The following GSAP variants were observed in gnomAD, a reference collection of about 807,000 sequenced individuals.
The protein encoded by GSAP is gamma-secretase-activating protein.
In GSAP, 118 loss-of-function variants were observed where a neutral mutation model predicts 131.7. The observed-to-expected ratio is 0.90, with a 90% CI of 0.77 to 1.04. The LOEUF (loss-of-function observed/expected upper bound fraction) is 1.04. Among genes scored for constraint, GSAP ranks in the 50% least tolerant of loss-of-function variants. GSAP has a pLI of 0.00. For synonymous variants in GSAP, 381 were observed against 363.4 expected, an observed-to-expected ratio of 1.05 and a Z score of -0.55; for missense variants, 1,019 against 1,013.2, an observed-to-expected ratio of 1.01 and a Z score of -0.08.
At chr7:77,349,314 G>A (rs1182603534) in intron 19 of GSAP, 37 bp downstream of exon 19, 2 of 1,463,180 alleles carry the variant, frequency 1.4e-6, no homozygotes, top group East Asian at 2.3e-5. Flanking sequence ...CTTTAGTCAT[G>A]TATCTGTACT....
chr7:77,381,606 A>G (rs1797819692), intron 7 of GSAP, among the ~76,000 whole-genome samples: 1 of 152,170 alleles, frequency 6.6e-6, no homozygotes, highest in Admixed American at 6.5e-5. Flanking sequence ...TCAACAATAC[A>G]TGAAGTATTT....
intron 14 of GSAP, among the ~76,000 whole-genome samples, chr7:77,359,254 G>A (rs1437939416): frequency 6.6e-6 from 1 of 152,022 alleles, no homozygotes; most frequent in Non-Finnish European, 1.5e-5. Context: ...AGACACTGAG[G>A]TAAGCCTAAG....
chr7:77,328,172 G>A, intron 22 of GSAP: 1 of 983,500 alleles, frequency 1.0e-6, no homozygotes, highest in Non-Finnish European at 1.2e-6. Context: ...TTACCTGGAA[G>A]CTCCTCATCT....
intron 19 of GSAP, among the ~76,000 whole-genome samples, chr7:77,339,367 T>C (rs990289026): frequency 1.3e-5 from 2 of 152,086 alleles, no homozygotes; most frequent in African/African-American, 4.8e-5. Context: ...TGCTGAGCAT[T>C]TGGGGTAGGT....
intron 1 of GSAP, among the ~76,000 whole-genome samples, chr7:77,411,498 T>C (rs1803278467): frequency 1.3e-5 from 2 of 152,252 alleles, no homozygotes; most frequent in African/African-American, 4.8e-5. Flanking sequence ...CAACATGTCA[T>C]GTTTTTAAGT....
intron 19 of GSAP, chr7:77,330,591 T>TTTTTG (rs1554381548): frequency 2.3e-5 from 24 of 1,065,848 alleles, no homozygotes; most frequent in African/African-American, 5.3e-5. Context: ...TTTTTTTTTT[T>TTTTTG]TTGTCGTTGT....
At chr7:77,396,817 A>C (rs1800471307) in intron 5 of GSAP, among the ~76,000 whole-genome samples, 165 bp downstream of exon 5, 1 of 150,766 alleles carries the variant, frequency 6.6e-6, no homozygotes, top group Non-Finnish European at 1.5e-5. Context: ...TTGAAAAAAA[A>C]ATTTTTTTTA....
At chr7:77,381,197 A>G (rs1031919618) in intron 8 of GSAP, 108 bp downstream of exon 8, 5 of 522,480 alleles carry the variant, frequency 9.6e-6, no homozygotes, top group Non-Finnish European at 1.7e-5. Flanking sequence ...AAAGTCATCA[A>G]ATAAAGAAAA....
At chr7:77,339,661 G>A (rs1483445247) in intron 19 of GSAP, among the ~76,000 whole-genome samples, 1 of 127,722 alleles carries the variant, frequency 7.8e-6, no homozygotes, top group African/African-American at 3.3e-5. Flanking sequence ...GGAGAAAGAG[G>A]GAATGTAAAA....
At chr7:77,337,737 T>C (rs546166755) in intron 19 of GSAP, among the ~76,000 whole-genome samples, 1 of 152,326 alleles carries the variant, frequency 6.6e-6, no homozygotes, top group East Asian at 1.9e-4. Context: ...GGTAAAAATA[T>C]CCCATTTCTC....
chr7:77,335,296 A>T (rs1442126209), intron 19 of GSAP, among the ~76,000 whole-genome samples: 1 of 151,994 alleles, frequency 6.6e-6, no homozygotes, highest in Non-Finnish European at 1.5e-5. Context: ...AGCTACTTGG[A>T]AGGCTGAGAT....
intron 18 of GSAP, 110 bp from the exon 19 acceptor site, chr7:77,349,514 G>A (rs2081945324): frequency 1.2e-6 from 1 of 803,308 alleles, no homozygotes; most frequent in African/African-American, 1.7e-5. Flanking sequence ...GCAGCTTCCA[G>A]CTTCTAACCT....
chr7:77,412,141 T>C (rs1435762468), intron 1 of GSAP, among the ~76,000 whole-genome samples: 1 of 152,198 alleles, frequency 6.6e-6, no homozygotes, highest in African/African-American at 2.4e-5. Flanking sequence ...ATTGTGCCAC[T>C]GCACTCCAGC....
rs150333856 is a variant in GSAP at position 77,329,442 on chromosome 7, A to G, written c.1675-51T>C. ...GTGGAAGGTAAAGGTTTTATCGGTG[A>G]CTTTTCACGTCAAGGATATAATGCA... On this transcript the variant is annotated intron_variant, in intron 20 of 30. Coordinates refer to ENST00000257626, the MANE Select transcript of GSAP (RefSeq NM_017439.4). 784 of 998,460 alleles carry G rather than the reference A, an allele frequency of 7.9e-4. 1 individual carries two copies. The African/African-American group carries it at 0.011, about 14-fold the overall frequency. The allele number at this position is 998,460 out of a possible 1,614,324, so 61.9% of individuals were successfully genotyped here. A position where few individuals can be genotyped will look rare whatever the true frequency, so the allele number is the denominator to read the frequency against.
intron 16 of GSAP, 158 bp from the exon 17 acceptor site, chr7:77,353,799 G>A (rs143846334): frequency 3.2e-4 from 162 of 513,366 alleles, no homozygotes; most frequent in African/African-American, 2.8e-3. Flanking sequence ...GATACATAAT[G>A]CAATTCTGGG....
chr7:77,393,669 ACTTT>A (rs1379949535), intron 5 of GSAP, among the ~76,000 whole-genome samples: 2 of 144,572 alleles, frequency 1.4e-5, no homozygotes. Context: ...ATACATATAT[ACTTT>A]CTTTTTTTTT....
intron 5 of GSAP, among the ~76,000 whole-genome samples, chr7:77,395,926 C>A (rs1223792399): frequency 3.3e-5 from 5 of 152,204 alleles, no homozygotes; most frequent in Non-Finnish European, 7.3e-5. Context: ...ATAGGAGACC[C>A]ACTAGGCCAG....
intron 2 of GSAP, 134 bp downstream of exon 2, chr7:77,405,895 T>A (rs1802179656): frequency 1.2e-5 from 4 of 324,900 alleles, no homozygotes; most frequent in Non-Finnish European, 1.6e-5. Context: ...AGTCATATGT[T>A]AAGATTAAAT....
chr7:77,353,697 T>A, intron 16 of GSAP, 56 bp from the exon 17 acceptor site: 1 of 1,045,208 alleles, frequency 9.6e-7, no homozygotes, highest in Non-Finnish European at 1.5e-6. Flanking sequence ...CTGCCTCCAC[T>A]ACCAAAGAAG....
Sources: allele counts gnomAD v4.1 joint callset (sites outside exome capture counted in the v4.1 genomes callset), GRCh38; gene constraint gnomAD v4.1.1; transcripts MANE v1.5; gene names NCBI Gene and HGNC (gene_info 2026-07-23, HGNC 2026-07-21).